ATF7: variants seen among roughly 807,000 people sequenced by gnomAD.
ATF7 encodes the protein cyclic AMP-dependent transcription factor ATF-7.
In ATF7, 10 loss-of-function variants were observed where a neutral mutation model predicts 50.4. The observed-to-expected ratio is 0.20, with a 90% confidence interval of 0.12 to 0.34. ATF7 has a LOEUF of 0.34. Among genes scored for constraint, ATF7 ranks in the 10% least tolerant of loss-of-function variants. ATF7 has a pLI of 1.00. For missense variants in ATF7, 465 were observed against 613.9 expected (o/e 0.76, Z 2.56); for synonymous variants, 201 against 226.4 (o/e 0.89, Z 1.01).
chr12:53,524,364 T>C lies in ATF7; in HGVS notation c.1125+200A>G, dbSNP rs1592780431. ...TTTAAGGATGACTCTAATAGGAGAT[T>C]TGGGGGTAGATGGTGAGTGTCTTCA... On this transcript the variant is annotated intron_variant, in intron 10 of 11. Coordinates refer to ENST00000420353, the MANE Select transcript of ATF7 (RefSeq NM_006856.3). The surrounding 1 kb of genome is among the most constrained non-coding windows in gnomAD (Gnocchi z 4.6). Among the ~76,000 whole-genome samples the C allele has an allele frequency of 6.6e-6, 1 of 152,192 alleles. No individual in the cohort carries two copies. Among genetic ancestry groups the C allele is most frequent in the Non-Finnish European group, 1.5e-5 (1 of 68,018 alleles).
At position 53,546,694 on chromosome 12, in the gene ATF7, C is replaced by T. The variant is rs180838614; in HGVS notation, c.146-3246G>A. Among the ~76,000 whole-genome samples the T allele has an allele frequency of 5.8e-3, 875 of 152,024 alleles. 4 individuals are homozygous for T. The highest frequency in any genetic ancestry group is 0.02 in the African/African-American group (829 of 41,516). On this transcript the variant is annotated intron_variant, in intron 3 of 11. Transcript: ENST00000420353. ...CAAACTCCTGACCTCAAGTGATCTG[C>T]CTGCCTCAGCCTCCCAAAGTGCTGG...
chr12:53,609,898 C>T (rs1943784560), intron 1 of ATF7, among the ~76,000 whole-genome samples: 1 of 143,194 alleles, frequency 7.0e-6, no homozygotes, highest in African/African-American at 2.6e-5. Context: ...CTTACTGCAA[C>T]CTTTGCCTCC....
chr12:53,587,603 G>T (rs1157028030), intron 2 of ATF7, among the ~76,000 whole-genome samples: 1 of 149,336 alleles, frequency 6.7e-6, no homozygotes. Flanking sequence ...GGAGGCAGAG[G>T]TTGCAGTGAG....
At chr12:53,531,929 A>G in intron 8 of ATF7, 33 bp from the exon 9 acceptor site, 1 of 1,610,154 alleles carries the variant, frequency 6.2e-7, no homozygotes, top group Non-Finnish European at 8.5e-7. Flanking sequence ...ATGCTTGTTA[A>G]GGATCAGATT....
chr12:53,592,515 A>G (rs1942988101), intron 2 of ATF7, among the ~76,000 whole-genome samples: 1 of 152,194 alleles, frequency 6.6e-6, no homozygotes, highest in East Asian at 1.9e-4. Context: ...TACACATTCT[A>G]CCTCAAAAGT....
intron 1 of ATF7, among the ~76,000 whole-genome samples, chr12:53,609,493 C>T (rs918713320): frequency 1.3e-5 from 2 of 151,272 alleles, no homozygotes; most frequent in East Asian, 3.9e-4. Context: ...AAAAAATTAG[C>T]CATGCACAGT....
intron 3 of ATF7, among the ~76,000 whole-genome samples, chr12:53,548,417 A>C (rs1387018708): frequency 6.6e-6 from 1 of 152,020 alleles, no homozygotes; most frequent in Non-Finnish European, 1.5e-5. Flanking sequence ...CTGTAACCTC[A>C]ATCTCTTGGG....
intron 2 of ATF7, among the ~76,000 whole-genome samples, chr12:53,592,271 C>A (rs898779199): frequency 1.3e-5 from 2 of 152,206 alleles, no homozygotes; most frequent in African/African-American, 4.8e-5. Context: ...TATTTCACTG[C>A]ACAAAGAAAT....
At chr12:53,527,100 A>C (rs1938525792) in intron 9 of ATF7, among the ~76,000 whole-genome samples, 1 of 152,022 alleles carries the variant, frequency 6.6e-6, no homozygotes, top group Non-Finnish European at 1.5e-5. Context: ...TGGAGGTTGC[A>C]GTGAGCCGAG....
rs192560126 is a variant in ATF7, at chr12:53,605,356, T to C, written c.-21-4335A>G. ...GTGAGCTGAGATTGCGCCATTGCAC[T>C]CCAGCCTGGGCAACAAGAGTGAAAT... On this transcript the variant is annotated intron_variant, in intron 1 of 11. Coordinates refer to ENST00000420353, the MANE Select transcript of ATF7 (RefSeq NM_006856.3). Among the ~76,000 whole-genome samples, 268 of 125,180 alleles carry C rather than the reference T, an allele frequency of 2.1e-3. 2 individuals carry two copies. Among genetic ancestry groups the C allele is most frequent in the Admixed American group, 4.4e-3 (44 of 10,044 alleles). The allele number at this position is 125,180 out of a possible 152,430, so 82.1% of individuals were successfully genotyped here.
chr12:53,571,678 T>G (rs1237638675), intron 2 of ATF7, among the ~76,000 whole-genome samples: 1 of 149,834 alleles, frequency 6.7e-6, no homozygotes, highest in Non-Finnish European at 1.5e-5. Context: ...AAATCCGCAC[T>G]GAAATATCAC....
intron 2 of ATF7, among the ~76,000 whole-genome samples, chr12:53,561,436 C>CTT: frequency 6.6e-6 from 1 of 151,190 alleles, no homozygotes; most frequent in East Asian, 1.9e-4. Context: ...AATAACTGAT[C>CTT]TTTTTTTTGA....
intron 2 of ATF7, among the ~76,000 whole-genome samples, chr12:53,555,991 T>C (rs537810086): frequency 2.0e-5 from 3 of 151,908 alleles, no homozygotes; most frequent in Non-Finnish European, 4.4e-5. Flanking sequence ...AATTTTTGTA[T>C]TTTTAGTACA....
chr12:53,599,234 C>G (rs1943286340), intron 2 of ATF7, among the ~76,000 whole-genome samples: 1 of 151,514 alleles, frequency 6.6e-6, no homozygotes, highest in Admixed American at 6.6e-5. Flanking sequence ...AAGACAGGGT[C>G]TCACTATATT....
At chr12:53,544,057 TG>T (rs1565937598) in intron 3 of ATF7, 1 of 152,520 alleles carries the variant, frequency 6.6e-6, no homozygotes, top group Non-Finnish European at 1.5e-5. Flanking sequence ...GATCATGAGC[TG>T]GAAAAGGAAA....
chr12:53,539,730 GA>G (rs869276306), intron 4 of ATF7, among the ~76,000 whole-genome samples: 11 of 131,510 alleles, frequency 8.4e-5, no homozygotes, highest in African/African-American at 1.1e-4. Context: ...ATGAATGAAT[GA>G]AAAAAAATGA....
At chr12:53,533,626 T>C (rs1211597143) in intron 6 of ATF7, among the ~76,000 whole-genome samples, 1 of 152,216 alleles carries the variant, frequency 6.6e-6, no homozygotes, top group African/African-American at 2.4e-5. Context: ...TGGCCAAATC[T>C]GAATGTTTCT....
intron 1 of ATF7, among the ~76,000 whole-genome samples, chr12:53,614,061 T>C (rs148868880): frequency 6.6e-6 from 1 of 152,166 alleles, no homozygotes; most frequent in African/African-American, 2.4e-5. Flanking sequence ...GAGTGAGAAT[T>C]AGGCTGAATC....
intron 2 of ATF7, among the ~76,000 whole-genome samples, chr12:53,573,360 G>A: frequency 6.6e-6 from 1 of 152,078 alleles, no homozygotes; most frequent in East Asian, 1.9e-4. Flanking sequence ...ATATAAAATG[G>A]TGTAGTATTT....
Sources: gnomAD v4.1 joint callset for allele counts (sites outside exome capture counted in the v4.1 genomes callset) on GRCh38, gnomAD v4.1.1 for gene constraint, Gnocchi (gnomAD v3.1) non-coding constraint, MANE v1.5 for transcripts, NCBI Gene and HGNC (gene_info 2026-07-23, HGNC 2026-07-21) for gene names.